JAKMIP1: variants seen among roughly 807,000 people sequenced by gnomAD.
The protein encoded by JAKMIP1 is janus kinase and microtubule interacting protein 1, also known as janus kinase and microtubule-interacting protein 1.
Under a neutral mutation model 113.0 loss-of-function variants are expected in JAKMIP1, and 33 were observed. That is an observed-to-expected ratio of 0.29 (90% CI 0.22 to 0.39). JAKMIP1 has a LOEUF of 0.39. Among genes scored for constraint, JAKMIP1 ranks in the 10% least tolerant of loss-of-function variants. The pLI is 1.00. For missense variants in JAKMIP1, 813 were observed against 1,080.5 expected, an observed-to-expected ratio of 0.75 and a Z score of 3.47; for synonymous variants, 480 against 459.9, an observed-to-expected ratio of 1.04 and a Z score of -0.56.
At position 6,050,676 on chromosome 4, in the gene JAKMIP1, T is replaced by A; in HGVS notation, c.1810A>T (p.Arg604Ter). 1 of 1,556,936 alleles carries A rather than the reference T, an allele frequency of 6.4e-7. No individual in the cohort carries two copies. The highest frequency in any genetic ancestry group is 1.9e-5 in the Admixed American group (1 of 51,688). ...LEFRVLELEE[R>*]ERRSPAFNLQ... Reference sequence around the variant, plus strand: ...TTAAATGCTGGCGACCTCCTCTCTCTCTCCTGGGGAAAAGATTCGGTTTAA... The same window carrying A: ...TTAAATGCTGGCGACCTCCTCTCTCACTCCTGGGGAAAAGATTCGGTTTAA... Residue 604 changes from arginine (R) to a stop codon, truncating the protein, a stop_gained, in exon 14 of 21, where the codon AGA (arginine) becomes TGA (stop). Transcript: ENST00000409021. LOFTEE classifies it high-confidence loss of function. This position sits in a 1 kb window ranked among gnomAD's most constrained non-coding sequence, Gnocchi z 7.4.
In JAKMIP1 at chr4:6,186,459, C is replaced by A. The variant is rs574317532; in HGVS notation, c.-148+13794G>T. On this transcript the variant is annotated intron_variant, in intron 1 of 20. Transcript: ENST00000409021. The surrounding 1 kb of genome is among the most constrained non-coding windows in gnomAD (Gnocchi z 5.5). Reference sequence around the variant, plus strand: ...TGTCTGGCTGGCAAGAACTGAACATCAGCTACAGGCCAGGCATGGCTTGAT... The same window carrying A: ...TGTCTGGCTGGCAAGAACTGAACATAAGCTACAGGCCAGGCATGGCTTGAT... Among the ~76,000 whole-genome samples, 4 of 152,336 alleles carry A rather than the reference C, an allele frequency of 2.6e-5. No individual in the cohort carries two copies. Among genetic ancestry groups the A allele is most frequent in the African/African-American group, 7.2e-5 (3 of 41,558 alleles).
chr4:6,056,565 G>C, intron 12 of JAKMIP1, 132 bp downstream of exon 12: 1 of 699,918 alleles, frequency 1.4e-6, no homozygotes, highest in Admixed American at 2.1e-5. Flanking sequence ...CCTCATGGGA[G>C]GTGTGCAGGA....
At chr4:6,055,568 C>T (rs1438155240) in intron 12 of JAKMIP1, among the ~76,000 whole-genome samples, 3 of 152,190 alleles carry the variant, frequency 2.0e-5, no homozygotes. Context: ...GCCCACCACA[C>T]TGGTGGTTGA....
In JAKMIP1 at chr4:6,188,939, G is replaced by A. The variant is rs1261433495; in HGVS notation, c.-148+11314C>T. 1.3e-5 allele frequency among the ~76,000 whole-genome samples: 2 copies of A among 152,294 alleles called. No homozygotes were observed. The highest frequency in any genetic ancestry group is 2.1e-4 in the South Asian group (1 of 4,824). On this transcript the variant is annotated intron_variant, in intron 1 of 20. Transcript: ENST00000409021. This position sits in a 1 kb window ranked among gnomAD's most constrained non-coding sequence, Gnocchi z 5.8. ...GCATCCAGGCCCTTTTTCAAAATAA[G>A]ATATCTGGTTTGCAAAAAGAACCTC...
At chr4:6,082,443 G>A (rs528019837) in intron 5 of JAKMIP1, among the ~76,000 whole-genome samples, 4 of 151,828 alleles carry the variant, frequency 2.6e-5, no homozygotes, top group Non-Finnish European at 5.9e-5. Flanking sequence ...TGTAAAGTCA[G>A]TAAAGACCCA....
chr4:6,098,332 C>A (rs1712194239), intron 3 of JAKMIP1, among the ~76,000 whole-genome samples: 2 of 151,972 alleles, frequency 1.3e-5, no homozygotes, highest in Admixed American at 1.3e-4. Flanking sequence ...ACCCGGGAGG[C>A]TGAGGCAGGA....
chr4:6,028,870 C>T (rs1026456357), intron 20 of JAKMIP1, among the ~76,000 whole-genome samples: 2 of 152,242 alleles, frequency 1.3e-5, no homozygotes, highest in African/African-American at 2.4e-5. Context: ...TTTTTCTGTA[C>T]TCATCTAGAA....
At chr4:6,196,868 A>G (rs1185760263) in intron 1 of JAKMIP1, among the ~76,000 whole-genome samples, 1 of 152,046 alleles carries the variant, frequency 6.6e-6, no homozygotes, top group Admixed American at 6.5e-5. Flanking sequence ...TCAAAAAAAA[A>G]AAAAAAACAA....
rs1405856344 is a variant in JAKMIP1 at position 6,116,632 on chromosome 4, T to C, written c.-147-3635A>G. On this transcript the variant is annotated intron_variant, in intron 1 of 20. Coordinates refer to ENST00000409021, the MANE Select transcript of JAKMIP1 (RefSeq NM_001099433.2). This position sits in a 1 kb window ranked among gnomAD's most constrained non-coding sequence, Gnocchi z 5.1. ...CAGCCCACCCATCTCTGACATCACA[T>C]GTCCCCTGTCCCAGCCTCCAAGTCG... 6.6e-6 allele frequency among the ~76,000 whole-genome samples: 1 copy of C among 152,194 alleles called. No homozygotes were observed. Among genetic ancestry groups the C allele is most frequent in the Non-Finnish European group, 1.5e-5 (1 of 68,040 alleles).
intron 10 of JAKMIP1, among the ~76,000 whole-genome samples, chr4:6,062,050 T>C (rs1298335747): frequency 6.6e-6 from 1 of 152,208 alleles, no homozygotes; most frequent in Non-Finnish European, 1.5e-5. Flanking sequence ...TCTGAACACA[T>C]GCTCTCCTCC....
intron 8 of JAKMIP1, among the ~76,000 whole-genome samples, chr4:6,070,806 A>G (rs879576756): frequency 2.0e-5 from 3 of 151,604 alleles, no homozygotes; most frequent in Non-Finnish European, 4.4e-5. Flanking sequence ...TACCATTTTT[A>G]TAGGCCAAAA....
intron 1 of JAKMIP1, among the ~76,000 whole-genome samples, chr4:6,146,127 T>C (rs1720817349): frequency 6.7e-6 from 1 of 150,326 alleles, no homozygotes; most frequent in Non-Finnish European, 1.5e-5. Flanking sequence ...ATAAGATGCA[T>C]GAACCTTGAG....
chr4:6,033,179 A>G lies in JAKMIP1; in HGVS notation c.2379+2725T>C, dbSNP rs994357440. Among the ~76,000 whole-genome samples, 7 of 152,294 alleles carry G rather than the reference A, an allele frequency of 4.6e-5. 1 individual carries two copies. Among genetic ancestry groups the G allele is most frequent in the Admixed American group, 3.9e-4 (6 of 15,292 alleles). Reference sequence around the variant, plus strand: ...TAGTTAACAGGGCTGGAAAATGCCAATTTCAGCTGGGGCTGGGCAGGGGAC... The same window carrying G: ...TAGTTAACAGGGCTGGAAAATGCCAGTTTCAGCTGGGGCTGGGCAGGGGAC... On this transcript the variant is annotated intron_variant, in intron 19 of 20. Coordinates refer to ENST00000409021, the MANE Select transcript of JAKMIP1 (RefSeq NM_001099433.2).
intron 3 of JAKMIP1, among the ~76,000 whole-genome samples, chr4:6,100,739 T>C (rs1166026842): frequency 1.3e-5 from 2 of 152,170 alleles, no homozygotes; most frequent in African/African-American, 2.4e-5. Context: ...ACATTTACTA[T>C]TGTCTGTTTT....
rs1727403546 is a variant in JAKMIP1, at chr4:6,192,672, C to T, written c.-148+7581G>A. On this transcript the variant is annotated intron_variant, in intron 1 of 20. Coordinates refer to ENST00000409021, the MANE Select transcript of JAKMIP1 (RefSeq NM_001099433.2). The surrounding 1 kb of genome is among the most constrained non-coding windows in gnomAD (Gnocchi z 5.0). Reference sequence around the variant, plus strand: ...TACTTATTGCACACCTGCTCTGTGCCAATGCCCAAGGCTGACAGAGGAGGA... The same window carrying T: ...TACTTATTGCACACCTGCTCTGTGCTAATGCCCAAGGCTGACAGAGGAGGA... Among the ~76,000 whole-genome samples, 3 of 152,198 alleles carry T rather than the reference C, an allele frequency of 2.0e-5. No individual in the cohort carries two copies. In the South Asian group the frequency reaches 6.2e-4, roughly 32 times the overall value.
intron 1 of JAKMIP1, among the ~76,000 whole-genome samples, chr4:6,124,895 G>A (rs186458882): frequency 1.3e-5 from 2 of 152,338 alleles, no homozygotes; most frequent in East Asian, 1.9e-4. Context: ...GGCCACCATC[G>A]GGTGACCATC....
Position 6,157,578 on chromosome 4 carries a change from C to T in JAKMIP1, c.-148+42675G>A, listed in dbSNP as rs1344876182. On this transcript the variant is annotated intron_variant, in intron 1 of 20. Transcript: ENST00000409021. The surrounding 1 kb of genome is among the most constrained non-coding windows in gnomAD (Gnocchi z 4.7). Reference sequence around the variant, plus strand: ...CTTTTTCATAAGCCACTGGCACAGACCATCACAACTCAGAACCGGGATCTC... The same window carrying T: ...CTTTTTCATAAGCCACTGGCACAGATCATCACAACTCAGAACCGGGATCTC... Among the ~76,000 whole-genome samples the T allele has an allele frequency of 3.3e-5, 5 of 152,194 alleles. No homozygotes were observed. The East Asian group carries it at 7.7e-4, about 23-fold the overall frequency.
rs1244844657 is a variant in JAKMIP1, at chr4:6,192,577, G to A, written c.-148+7676C>T. Among the ~76,000 whole-genome samples the A allele has an allele frequency of 6.6e-6, 1 of 152,200 alleles. No homozygotes were observed. The highest frequency in any genetic ancestry group is 1.5e-5 in the Non-Finnish European group (1 of 68,036). On this transcript the variant is annotated intron_variant, in intron 1 of 20. Coordinates refer to ENST00000409021, the MANE Select transcript of JAKMIP1 (RefSeq NM_001099433.2). This position sits in a 1 kb window ranked among gnomAD's most constrained non-coding sequence, Gnocchi z 5.0. ...AAAAGAAGGAAGTGAAGCTCAGAAA[G>A]ATGAAGGAACGAGCACTCGATCACA...
chr4:6,097,047 G>T lies in JAKMIP1; in HGVS notation c.624+8426C>A, dbSNP rs1711908923. Among the ~76,000 whole-genome samples the T allele has an allele frequency of 6.6e-6, 1 of 152,142 alleles. No individual in the cohort carries two copies. Among genetic ancestry groups the T allele is most frequent in the Non-Finnish European group, 1.5e-5 (1 of 68,026 alleles). ...GACAGACTCTCTCTCTGTCACCCAGGCTGGAGTGCAGGGGCATGATCGTAG... is the reference window on the plus strand; with the variant it reads ...GACAGACTCTCTCTCTGTCACCCAGTCTGGAGTGCAGGGGCATGATCGTAG... On this transcript the variant is annotated intron_variant, in intron 3 of 20. Coordinates refer to ENST00000409021, the MANE Select transcript of JAKMIP1 (RefSeq NM_001099433.2). The surrounding 1 kb of genome is among the most constrained non-coding windows in gnomAD (Gnocchi z 4.3).
Sources: gnomAD v4.1 joint callset for allele counts (sites outside exome capture counted in the v4.1 genomes callset) on GRCh38, gnomAD v4.1.1 for gene constraint, Gnocchi (gnomAD v3.1) non-coding constraint, MANE v1.5 for transcripts, NCBI Gene and HGNC (gene_info 2026-07-23, HGNC 2026-07-21) for gene names.